The following SDCCAG8 variants were observed in gnomAD, a reference collection of about 807,000 sequenced individuals.
SDCCAG8 encodes the protein SHH signaling and ciliogenesis regulator SDCCAG8, also known as serologically defined colon cancer antigen 8.
SDCCAG8 carries 74 observed loss-of-function variants against 101.8 expected under a neutral mutation model. The observed-to-expected ratio is 0.73, with a 90% confidence interval of 0.60 to 0.88. The LOEUF is 0.88. Ranked by LOEUF, SDCCAG8 falls within the 40% of genes least tolerant of loss-of-function variation. The pLI is 0.00. For synonymous variants in SDCCAG8, 281 were observed against 292.9 expected (o/e 0.96, Z 0.41); for missense variants, 787 against 822.6 (o/e 0.96, Z 0.53).
intron 17 of SDCCAG8, among the ~76,000 whole-genome samples, chr1:243,496,330 G>T (rs758091404): frequency 6.6e-6 from 1 of 151,158 alleles, no homozygotes; most frequent in African/African-American, 2.4e-5. Context: ...CCCAGAACAC[G>T]AGGCGGAGGC....
chr1:243,435,044 T>A (rs1261608764), intron 16 of SDCCAG8, among the ~76,000 whole-genome samples: 1 of 152,202 alleles, frequency 6.6e-6, no homozygotes, highest in Non-Finnish European at 1.5e-5. Flanking sequence ...TCATCAAATA[T>A]TTACCGAGTG....
intron 11 of SDCCAG8, among the ~76,000 whole-genome samples, chr1:243,341,506 T>C (rs2075380341): frequency 6.6e-6 from 1 of 152,250 alleles, no homozygotes; most frequent in Non-Finnish European, 1.5e-5. Flanking sequence ...CTCATTTTTC[T>C]AAATTAATTA....
chr1:243,286,852 T>C (rs1383716248), intron 5 of SDCCAG8, among the ~76,000 whole-genome samples: 1 of 152,244 alleles, frequency 6.6e-6, no homozygotes, highest in East Asian at 1.9e-4. Flanking sequence ...CCCATTTCCC[T>C]AAGAAGGCTG....
chr1:243,324,856 T>C (rs1558296627), intron 9 of SDCCAG8, among the ~76,000 whole-genome samples: 8 of 152,144 alleles, frequency 5.3e-5, no homozygotes, highest in Admixed American at 5.2e-4. Context: ...TACTCTTTCA[T>C]GTCACCTTCA....
chr1:243,283,343 A>T (rs1013639807), intron 4 of SDCCAG8, among the ~76,000 whole-genome samples: 1 of 150,854 alleles, frequency 6.6e-6, no homozygotes, highest in African/African-American at 2.4e-5. Context: ...TTTTTCAGTC[A>T]TTATTGACTG....
chr1:243,450,983 A>G (rs1377435919), intron 16 of SDCCAG8, among the ~76,000 whole-genome samples: 1 of 152,264 alleles, frequency 6.6e-6, no homozygotes, highest in Non-Finnish European at 1.5e-5. Flanking sequence ...TGCTAAAATC[A>G]CTTGTTGAAA....
intron 16 of SDCCAG8, among the ~76,000 whole-genome samples, chr1:243,448,142 G>A (rs1243868042): frequency 6.6e-6 from 1 of 152,238 alleles, no homozygotes; most frequent in Admixed American, 6.5e-5. Context: ...AATGGGAGGT[G>A]TCATCCACAG....
chr1:243,391,125 C>A (rs1558401885), intron 13 of SDCCAG8, among the ~76,000 whole-genome samples: 1 of 152,178 alleles, frequency 6.6e-6, no homozygotes, highest in Non-Finnish European at 1.5e-5. Context: ...TCTTAAACAC[C>A]TCCTCCTAGT....
At chr1:243,332,681 A>G (rs562497560) in intron 10 of SDCCAG8, among the ~76,000 whole-genome samples, 24 of 149,820 alleles carry the variant, frequency 1.6e-4, no homozygotes, top group Non-Finnish European at 3.1e-4. Flanking sequence ...TGATTATCGC[A>G]GTCCAGGTCT....
chr1:243,367,929 C>A (rs1367341993), intron 12 of SDCCAG8, among the ~76,000 whole-genome samples: 1 of 151,496 alleles, frequency 6.6e-6, no homozygotes, highest in Non-Finnish European at 1.5e-5. Context: ...AAAATAAGAA[C>A]CTGGCTAGAC....
Position 243,267,476 on chromosome 1 carries a change from C to T in SDCCAG8, c.68-2629C>T, listed in dbSNP as rs74497096. The T allele has an allele frequency of 1.5e-3, 520 of 341,732 alleles. 1 individual carries two copies. The highest frequency in any genetic ancestry group is 0.011 in the African/African-American group (482 of 45,808). 21.2% of individuals were successfully genotyped at this position (341,732 alleles called of 1,614,324 possible). On this transcript the variant is annotated intron_variant, in intron 1 of 17. Transcript: ENST00000366541. The stretch of plus-strand genomic sequence containing the variant: ...AATTAGCCGGGCGTGGTGACAGGTA[C>T]CTGTAATCCCAGCTATTGGGGAGGC...
chr1:243,326,930 C>T (rs2074187549), intron 9 of SDCCAG8, among the ~76,000 whole-genome samples: 1 of 152,036 alleles, frequency 6.6e-6, no homozygotes, highest in Non-Finnish European at 1.5e-5. Flanking sequence ...CTTAATAAAA[C>T]CAGGACTGGG....
At position 243,271,770 on chromosome 1, in the gene SDCCAG8, T is replaced by C. The variant is rs75598609; in HGVS notation, c.306+707T>C. On this transcript the variant is annotated intron_variant, in intron 3 of 17. Transcript: ENST00000366541. ...TATTGGCTAGGCTGGTCTCGAACTC[T>C]GAACCTCAGGAAATCCATCAGCCTC... 2.3e-3 allele frequency among the ~76,000 whole-genome samples: 346 copies of C among 152,208 alleles called. 2 individuals carry two copies. In the East Asian group the frequency reaches 0.041, roughly 18 times the overall value.
chr1:243,335,198 C>T (rs914308051), intron 10 of SDCCAG8, among the ~76,000 whole-genome samples: 1 of 152,158 alleles, frequency 6.6e-6, no homozygotes, highest in Non-Finnish European at 1.5e-5. Flanking sequence ...TGCAAGAGAT[C>T]ATGGAAGGCT....
At position 243,385,430 on chromosome 1, in the gene SDCCAG8, T is replaced by G. The variant is rs145647987; in HGVS notation, c.1616+6567T>G. 4.7e-3 allele frequency among the ~76,000 whole-genome samples: 720 copies of G among 152,102 alleles called. 9 individuals carry two copies. Among genetic ancestry groups the G allele is most frequent in the African/African-American group, 0.016 (684 of 41,494 alleles). On this transcript the variant is annotated intron_variant, in intron 13 of 17. Coordinates refer to ENST00000366541, the MANE Select transcript of SDCCAG8 (RefSeq NM_006642.5). ...AAGTAAGAAAAAGAACATACACATG[T>G]AGTCGGTAAGATAAATGATAAGATC...
At chr1:243,489,179 C>T in intron 17 of SDCCAG8, 39 bp downstream of exon 17, 1 of 1,605,620 alleles carries the variant, frequency 6.2e-7, no homozygotes, top group South Asian at 1.1e-5. Context: ...AGTCCTTGGG[C>T]GGGCGTCTAC....
chr1:243,354,505 C>G (rs566447696), intron 12 of SDCCAG8, among the ~76,000 whole-genome samples: 2 of 152,220 alleles, frequency 1.3e-5, no homozygotes, highest in African/African-American at 4.8e-5. Context: ...TAAAGCCCCA[C>G]TCTGAATTAA....
chr1:243,334,920 G>A (rs927638035), intron 10 of SDCCAG8, among the ~76,000 whole-genome samples: 2 of 152,032 alleles, frequency 1.3e-5, no homozygotes, highest in South Asian at 2.1e-4. Context: ...TCGTCTCCGC[G>A]CCTCCCATAG....
intron 10 of SDCCAG8, among the ~76,000 whole-genome samples, chr1:243,336,188 T>C (rs1470621624): frequency 1.3e-5 from 2 of 152,350 alleles, no homozygotes; most frequent in Admixed American, 6.5e-5. Context: ...TGGTAGGTTC[T>C]AAGTTATTTG....
Sources: gnomAD v4.1 joint callset for allele counts (sites outside exome capture counted in the v4.1 genomes callset) on GRCh38, gnomAD v4.1.1 for gene constraint, MANE v1.5 for transcripts, NCBI Gene and HGNC (gene_info 2026-07-23, HGNC 2026-07-21) for gene names.